Variants in USP6 observed in about 807,000 individuals in gnomAD.
USP6 encodes ubiquitin specific peptidase 6, also known as ubiquitin carboxyl-terminal hydrolase 6.
Under a neutral mutation model 175.7 loss-of-function variants are expected in USP6, and 128 were observed. That is an observed-to-expected ratio of 0.73 (90% CI 0.63 to 0.84). The LOEUF is 0.84. USP6 is among the 40% of genes least tolerant of loss of function. The pLI is 0.00. For synonymous variants in USP6, 562 were observed against 630.6 expected (o/e 0.89, Z 1.63); for missense variants, 1,498 against 1,760.3 (o/e 0.85, Z 2.67).
intron 33 of USP6, among the ~76,000 whole-genome samples, chr17:5,165,517 G>C (rs2074079209): frequency 6.6e-6 from 1 of 152,014 alleles, no homozygotes; most frequent in South Asian, 2.1e-4. Flanking sequence ...AGAGATCAAG[G>C]CTGCAGTGAG....
At position 5,139,903 on chromosome 17, in the gene USP6, G is replaced by A. The variant is rs1323194341; in HGVS notation, c.1498+229G>A. Among the ~76,000 whole-genome samples the A allele has an allele frequency of 3.9e-5, 6 of 152,210 alleles. No homozygotes were observed. In the South Asian group the frequency reaches 8.3e-4, roughly 21 times the overall value. On this transcript the variant is annotated intron_variant, in intron 22 of 37. Coordinates refer to ENST00000574788, the MANE Select transcript of USP6 (RefSeq NM_001304284.2). ...AGGGCTCATGGCTGGATAATTTCCC[G>A]AGGCTTAACAATCCAAGCAGGCTTC...
intron 34 of USP6, 37 bp from the exon 35 acceptor site, chr17:5,168,730 C>G (rs988061005): frequency 1.2e-5 from 19 of 1,522,922 alleles, no homozygotes; most frequent in Non-Finnish European, 1.7e-5. Flanking sequence ...ATCTTCAGAA[C>G]CCTTTAATGC....
At chr17:5,154,163 A>G (rs2073833464) in intron 30 of USP6, among the ~76,000 whole-genome samples, 1 of 152,238 alleles carries the variant, frequency 6.6e-6, no homozygotes, top group Non-Finnish European at 1.5e-5. Context: ...GTAACATATG[A>G]AATAGGGTCT....
chr17:5,158,475 G>A (rs948586545), intron 31 of USP6, among the ~76,000 whole-genome samples: 5 of 152,006 alleles, frequency 3.3e-5, no homozygotes, highest in Admixed American at 3.3e-4. Flanking sequence ...GCTGAGGCAT[G>A]AGAATCACTT....
chr17:5,122,749 G>A (rs2072728246), intron 4 of USP6, among the ~76,000 whole-genome samples: 1 of 152,240 alleles, frequency 6.6e-6, no homozygotes, highest in Admixed American at 6.5e-5. Context: ...CCCGCAGCGG[G>A]TATCCCCAAA....
intron 4 of USP6, among the ~76,000 whole-genome samples, chr17:5,122,726 C>T (rs118140204): frequency 0.011 from 1,747 of 152,338 alleles, 17 homozygotes; most frequent in Non-Finnish European, 0.018. Context: ...AGCCCAGCCC[C>T]GGAAATGGGA....
chr17:5,148,748 T>C lies in USP6; in HGVS notation c.2624T>C (p.Ile875Thr). 1 of 1,612,606 alleles carries C rather than the reference T, an allele frequency of 6.2e-7. No individual in the cohort carries two copies. Among genetic ancestry groups the C allele is most frequent in the Non-Finnish European group, 8.5e-7 (1 of 1,178,658 alleles). The part of the protein sequence containing the change: ...LPDSPFTGYI[I>T]AVHRKMMRTE... ...GACAGCCCCTTTACAGGTTACATCA[T>C]TGCAGTCCACCGAAAAATGGTTAGT... Residue 875 changes from isoleucine to threonine, a missense_variant, in exon 30 of 38, where the codon ATT becomes ACT. Physicochemically the swap from Ile to Thr is moderately conservative, Grantham distance 89. Coordinates refer to ENST00000574788, the MANE Select transcript of USP6 (RefSeq NM_001304284.2).
At position 5,169,061 on chromosome 17, in the gene USP6, G is replaced by A. The variant is rs530549678; in HGVS notation, c.3517+6G>A. The A allele has an allele frequency of 1.1e-5, 17 of 1,583,268 alleles. 1 individual carries two copies. In the East Asian group the frequency reaches 3.8e-4, roughly 35 times the overall value. ...CATCAGCAGCAGCCCAAAAGGTGAG[G>A]CCTGGGGGCCTTATGCAGTTGCTTT... On this transcript the variant is annotated splice_donor_region_variant and intron_variant, in intron 35 of 37. Coordinates refer to ENST00000574788, the MANE Select transcript of USP6 (RefSeq NM_001304284.2).
chr17:5,167,249 G>C (rs1331026911), intron 33 of USP6, among the ~76,000 whole-genome samples: 2 of 152,154 alleles, frequency 1.3e-5, no homozygotes, highest in Non-Finnish European at 2.9e-5. Flanking sequence ...TACTAATAAT[G>C]CTCTGGCTTT....
intron 30 of USP6, among the ~76,000 whole-genome samples, chr17:5,151,671 T>C (rs1242002430): frequency 6.6e-6 from 1 of 152,126 alleles, no homozygotes. Context: ...TGGGATAGAA[T>C]AGAGAGCCCA....
At chr17:5,145,846 T>A (rs1391222593) in intron 27 of USP6, among the ~76,000 whole-genome samples, 177 bp from the exon 28 acceptor site, 1 of 152,200 alleles carries the variant, frequency 6.6e-6, no homozygotes, top group African/African-American at 2.4e-5. Context: ...AAAAAAATAC[T>A]GATTTCACTT....
intron 3 of USP6, among the ~76,000 whole-genome samples, 159 bp downstream of exon 3, chr17:5,120,947 TCA>T (rs1302848232): frequency 6.6e-6 from 1 of 152,140 alleles, no homozygotes; most frequent in Non-Finnish European, 1.5e-5. Context: ...AATGTGAGGC[TCA>T]GAGAGGACTC....
rs1265923535 is a variant in USP6 at position 5,172,870 on chromosome 17, A to G, written c.4113A>G (p.Ile1371Met). Reference sequence around the variant, plus strand: ...TTCTTTTCTATGAGCAGCAGGGGATAGACTACGCACAATTTCTGCCAAAGA... The same window carrying G: ...TTCTTTTCTATGAGCAGCAGGGGATGGACTACGCACAATTTCTGCCAAAGA... ...AYILFYEQQGIDYAQFLPKID... is the reference protein window; with the variant it reads ...AYILFYEQQGMDYAQFLPKID... The change falls in exon 38 of 38, where the codon ATA becomes ATG. Residue 1371 changes from isoleucine to methionine, a missense_variant. Ile to Met is a conservative substitution (Grantham distance 10). Transcript: ENST00000574788. 1.2e-6 allele frequency: 2 copies of G among 1,613,872 alleles called. No homozygotes were observed. Among genetic ancestry groups the G allele is most frequent in the Non-Finnish European group, 1.7e-6 (2 of 1,179,862 alleles).
chr17:5,165,284 C>A (rs1323654236), intron 33 of USP6, among the ~76,000 whole-genome samples: 1 of 152,120 alleles, frequency 6.6e-6, no homozygotes, highest in Non-Finnish European at 1.5e-5. Flanking sequence ...GAATATTATA[C>A]CTAGTAATCA....
chr17:5,135,376 G>C (rs1567784060), intron 16 of USP6, 94 bp downstream of exon 16: 3 of 1,500,508 alleles, frequency 2.0e-6, no homozygotes, highest in East Asian at 4.6e-5. Flanking sequence ...TTTAAAGTTG[G>C]TATTTGTGAC....
chr17:5,125,533 G>A (rs775416301), intron 5 of USP6, among the ~76,000 whole-genome samples: 1 of 152,098 alleles, frequency 6.6e-6, no homozygotes, highest in Non-Finnish European at 1.5e-5. Flanking sequence ...ATAAAAATGG[G>A]TGCAAATGAA....
intron 26 of USP6, 22 bp downstream of exon 26, chr17:5,144,885 A>C (rs1332410530): frequency 6.3e-7 from 1 of 1,576,548 alleles, no homozygotes; most frequent in African/African-American, 1.4e-5. Context: ...TTGAGTTTCT[A>C]ATGTAAGCAA....
At chr17:5,133,294 G>C in intron 13 of USP6, 149 bp from the exon 14 acceptor site, 1 of 942,896 alleles carries the variant, frequency 1.1e-6, no homozygotes, top group South Asian at 1.5e-5. Flanking sequence ...CACTCTTTCA[G>C]TCCTGGGAAG....
intron 30 of USP6, among the ~76,000 whole-genome samples, chr17:5,149,329 G>C (rs2073698781): frequency 6.6e-6 from 1 of 152,168 alleles, no homozygotes. Context: ...CTTGAACCCA[G>C]GAGGCAGAGG....
Sources: gnomAD v4.1 joint callset for allele counts (sites outside exome capture counted in the v4.1 genomes callset) on GRCh38, gnomAD v4.1.1 for gene constraint, MANE v1.5 for transcripts, NCBI Gene and HGNC (gene_info 2026-07-23, HGNC 2026-07-21) for gene names.